MAST4: variants seen among roughly 807,000 people sequenced by gnomAD.
The protein encoded by MAST4 is microtubule-associated serine/threonine-protein kinase 4.
Under a neutral mutation model 162.7 loss-of-function variants are expected in MAST4, and 89 were observed. That is an observed-to-expected ratio of 0.55 (90% CI 0.46 to 0.65). The LOEUF (loss-of-function observed/expected upper bound fraction) is 0.65. MAST4 is among the 30% of genes least tolerant of loss of function. The probability of loss-of-function intolerance (pLI) is 0.00; values close to 1 mark genes in which losing one functional copy is unlikely to be tolerated. For missense variants in MAST4, 3,153 were observed against 3,374.0 expected (o/e 0.93, Z 1.62); for synonymous variants, 1,479 against 1,361.1 (o/e 1.09, Z -1.91).
At chr5:66,695,483 G>A (rs896050558) in intron 1 of MAST4, among the ~76,000 whole-genome samples, 4 of 152,108 alleles carry the variant, frequency 2.6e-5, no homozygotes, top group Non-Finnish European at 4.4e-5. Context: ...GCTTAGGGTT[G>A]TCTTGGCTAT....
chr5:67,069,653 T>A (rs1489105582), intron 5 of MAST4, among the ~76,000 whole-genome samples: 1 of 152,084 alleles, frequency 6.6e-6, no homozygotes, highest in African/African-American at 2.4e-5. Flanking sequence ...GGAAAACAGG[T>A]TGTCCTGTGG....
intron 1 of MAST4, among the ~76,000 whole-genome samples, chr5:66,666,566 T>C (rs111969950): frequency 1.3e-5 from 2 of 152,222 alleles, no homozygotes; most frequent in Non-Finnish European, 2.9e-5. Context: ...AACTCTACTA[T>C]GGCAAGGAAA....
intron 21 of MAST4, among the ~76,000 whole-genome samples, chr5:67,143,899 GATTAT>G (rs1770721809): frequency 6.6e-6 from 1 of 152,130 alleles, no homozygotes; most frequent in Admixed American, 6.5e-5. Flanking sequence ...ATTCCTAGTA[GATTAT>G]AGGAGGCCTG....
intron 1 of MAST4, among the ~76,000 whole-genome samples, chr5:66,686,108 C>G (rs1441103048): frequency 6.6e-6 from 1 of 152,070 alleles, no homozygotes; most frequent in Non-Finnish European, 1.5e-5. Context: ...TGTCGCGGAC[C>G]TCTGCTCTAG....
chr5:66,802,127 T>C (rs1361493446), intron 3 of MAST4, among the ~76,000 whole-genome samples: 1 of 152,222 alleles, frequency 6.6e-6, no homozygotes, highest in Non-Finnish European at 1.5e-5. Flanking sequence ...CTTAAAAATA[T>C]ATTCCCTTTC....
At chr5:66,920,242 G>T (rs947198576) in intron 4 of MAST4, among the ~76,000 whole-genome samples, 3 of 152,024 alleles carry the variant, frequency 2.0e-5, no homozygotes, top group Non-Finnish European at 4.4e-5. Context: ...CAAATAAGCT[G>T]CATTTTGGTC....
chr5:67,081,594 T>G (rs1378996092), intron 5 of MAST4, among the ~76,000 whole-genome samples: 1 of 152,162 alleles, frequency 6.6e-6, no homozygotes, highest in Non-Finnish European at 1.5e-5. Flanking sequence ...GCTATGGTTC[T>G]CAACCCTGGC....
At chr5:67,126,721 A>G (rs181758729) in intron 14 of MAST4, among the ~76,000 whole-genome samples, 163 of 152,306 alleles carry the variant, frequency 1.1e-3, no homozygotes, top group African/African-American at 3.8e-3. Context: ...TGTCTTGGCT[A>G]TGCAGGCTCT....
At chr5:66,609,389 C>T (rs1393621221) in intron 1 of MAST4, among the ~76,000 whole-genome samples, 6 of 101,588 alleles carry the variant, frequency 5.9e-5, no homozygotes, top group African/African-American at 2.4e-4. Context: ...TACCAATGCA[C>T]TACTTTTTTT....
chr5:66,921,052 C>T lies in MAST4; in HGVS notation c.674+21070C>T, dbSNP rs377620440. ...AAAAGCCACTTACGATTAGAGGGTA[C>T]AAAGTGATAAGTTGGGATGCACTAG... On this transcript the variant is annotated intron_variant, in intron 4 of 28. Coordinates refer to ENST00000403625, the MANE Select transcript of MAST4 (RefSeq NM_001164664.2). Among the ~76,000 whole-genome samples the T allele has an allele frequency of 7.2e-5, 11 of 152,052 alleles. 1 individual carries two copies. Among genetic ancestry groups the T allele is most frequent in the African/African-American group, 2.7e-4 (11 of 41,476 alleles).
intron 1 of MAST4, among the ~76,000 whole-genome samples, chr5:66,667,940 G>A (rs886425760): frequency 1.8e-4 from 28 of 152,164 alleles, no homozygotes; most frequent in East Asian, 9.7e-4. Context: ...TAAAAGAATC[G>A]CATTTTGAAG....
intron 3 of MAST4, among the ~76,000 whole-genome samples, chr5:66,870,111 A>G (rs1760819005): frequency 6.6e-6 from 1 of 152,242 alleles, no homozygotes; most frequent in Non-Finnish European, 1.5e-5. Context: ...TCCAATATGT[A>G]TATGAGGGCA....
chr5:67,095,162 G>GT (rs1272572105), intron 6 of MAST4, among the ~76,000 whole-genome samples: 1 of 152,184 alleles, frequency 6.6e-6, no homozygotes, highest in East Asian at 1.9e-4. Flanking sequence ...AGCAGAAAGT[G>GT]TTTCGGATGC....
At chr5:66,958,295 G>A (rs1745572852) in intron 4 of MAST4, among the ~76,000 whole-genome samples, 1 of 152,136 alleles carries the variant, frequency 6.6e-6, no homozygotes, top group African/African-American at 2.4e-5. Flanking sequence ...ATTTTAAAAT[G>A]CATTAGAGGA....
intron 1 of MAST4, among the ~76,000 whole-genome samples, chr5:66,694,772 C>T (rs971866416): frequency 6.6e-6 from 1 of 152,174 alleles, no homozygotes; most frequent in Non-Finnish European, 1.5e-5. Flanking sequence ...CAGGTGTGAG[C>T]CACCACGCCC....
chr5:67,075,024 A>C (rs1761443158), intron 5 of MAST4, among the ~76,000 whole-genome samples: 1 of 152,190 alleles, frequency 6.6e-6, no homozygotes, highest in Non-Finnish European at 1.5e-5. Flanking sequence ...TACTAAAGTT[A>C]TCCCCTCAGT....
At chr5:66,843,669 T>G (rs1218171783) in intron 3 of MAST4, among the ~76,000 whole-genome samples, 1 of 152,174 alleles carries the variant, frequency 6.6e-6, no homozygotes, top group Non-Finnish European at 1.5e-5. Flanking sequence ...ATGGTTTGAA[T>G]TGAGTCACTT....
In MAST4 at chr5:66,729,498, A is replaced by G. The variant is rs543733563; in HGVS notation, c.364-30211A>G. ...TCTGACTACAGCATTCTTTTTTCAT[A>G]ATGAAATGTATATTAACTATGCAGG... On this transcript the variant is annotated intron_variant, in intron 1 of 28. Coordinates refer to ENST00000403625, the MANE Select transcript of MAST4 (RefSeq NM_001164664.2). 5.9e-5 allele frequency among the ~76,000 whole-genome samples: 9 copies of G among 152,332 alleles called. No individual in the cohort carries two copies. The East Asian group carries it at 1.7e-3, about 29-fold the overall frequency.
At chr5:67,155,035 G>A (rs1046862282) in intron 26 of MAST4, among the ~76,000 whole-genome samples, 7 of 152,222 alleles carry the variant, frequency 4.6e-5, no homozygotes. Context: ...TGTCATGGCA[G>A]TCTTAGAGAA....
Sources: gnomAD v4.1 joint callset for allele counts (sites outside exome capture counted in the v4.1 genomes callset) on GRCh38, gnomAD v4.1.1 for gene constraint, MANE v1.5 for transcripts, NCBI Gene and HGNC (gene_info 2026-07-23, HGNC 2026-07-21) for gene names.